Variants in NTAQ1 observed in about 807,000 individuals in gnomAD.
NTAQ1 encodes N-terminal glutamine amidase 1.
A neutral mutation model predicts 28.2 loss-of-function variants in NTAQ1; 21 were observed. The observed-to-expected ratio is 0.74, with a 90% CI of 0.53 to 1.07. The LOEUF is 1.07. Among genes scored for constraint, NTAQ1 ranks in the 50% least tolerant of loss-of-function variants. The pLI is 0.00. For synonymous variants in NTAQ1, 105 were observed against 90.0 expected (o/e 1.17, Z -0.94); for missense variants, 264 against 256.6 (o/e 1.03, Z -0.20).
At chr8:123,433,925 ATT>A (rs35940452) in intron 3 of NTAQ1, among the ~76,000 whole-genome samples, 71 of 148,848 alleles carry the variant, frequency 4.8e-4, no homozygotes, top group East Asian at 9.8e-4. Flanking sequence ...TTTTTTTGTG[ATT>A]TTTTTTTTTT....
At chr8:123,427,615 T>A (rs182522713) in intron 1 of NTAQ1, among the ~76,000 whole-genome samples, 22 of 152,306 alleles carry the variant, frequency 1.4e-4, no homozygotes, top group African/African-American at 4.8e-4. Context: ...GAATTTCAGC[T>A]GTATTACAAG....
intron 3 of NTAQ1, among the ~76,000 whole-genome samples, chr8:123,433,119 C>G (rs187474435): frequency 6.6e-6 from 1 of 152,330 alleles, no homozygotes; most frequent in African/African-American, 2.4e-5. Context: ...TTCCTGGCAG[C>G]TGGGCAGACA....
chr8:123,423,975 C>T (rs535716196), intron 1 of NTAQ1, among the ~76,000 whole-genome samples: 7 of 151,134 alleles, frequency 4.6e-5, no homozygotes, highest in Admixed American at 6.6e-5. Context: ...CTCTGCCTCT[C>T]GGGTTCAAGT....
At position 123,441,519 on chromosome 8, in the gene NTAQ1, G is replaced by A. The variant is rs542348895; in HGVS notation, c.*104G>A. The A allele has an allele frequency of 1.4e-4, 118 of 857,342 alleles. 1 individual carries two copies. The African/African-American group carries it at 1.4e-3, about 10-fold the overall frequency. 53.1% of individuals were successfully genotyped at this position (857,342 alleles called of 1,614,324 possible). On this transcript the variant is annotated 3_prime_UTR_variant, in exon 6 of 6. Transcript: ENST00000287387. ...TATGGTACAGTTGGCTTGGAATTAT[G>A]TCTTTCTCTTTTAATTTGATTGAGT... is the stretch of plus-strand genomic sequence containing the variant.
chr8:123,449,974 T>TATATATATATATATAA (rs371673968), downstream of NTAQ1, among the ~76,000 whole-genome samples: 84 of 56,104 alleles, frequency 1.5e-3, 15 homozygotes, highest in African/African-American at 5.6e-3. Context: ...TATATATATA[T>TATATATATATATATAA]GCTGGATAAA....
chr8:123,455,100 G>C (rs939168701), intron 6 of NTAQ1: 1 of 152,148 alleles, frequency 6.6e-6, no homozygotes, highest in Non-Finnish European at 1.5e-5. Flanking sequence ...ACTGCCACAC[G>C]CAAAGCTCTG....
At chr8:123,463,384 AC>A (rs1815885944) in intron 6 of NTAQ1, among the ~76,000 whole-genome samples, 1 of 152,198 alleles carries the variant, frequency 6.6e-6, no homozygotes, top group Non-Finnish European at 1.5e-5. Flanking sequence ...ATATTAGATC[AC>A]AGTTATTCTT....
In NTAQ1 at chr8:123,424,214, A is replaced by G. The variant is rs150347110; in HGVS notation, c.84-3710A>G. 6.5e-3 allele frequency among the ~76,000 whole-genome samples: 976 copies of G among 150,586 alleles called. 16 individuals are homozygous for G. Among genetic ancestry groups the G allele is most frequent in the African/African-American group, 0.023 (933 of 41,028 alleles). On this transcript the variant is annotated intron_variant, in intron 1 of 5. Coordinates refer to ENST00000287387, the MANE Select transcript of NTAQ1 (RefSeq NM_018024.3). ...CAGCCTCCCAAGTAGCTGGGATTAC[A>G]GGTTTGTGCCACCACGCCTAGCTAA...
intron 5 of NTAQ1, among the ~76,000 whole-genome samples, chr8:123,440,145 C>CTTTT (rs1814964102): frequency 1.2e-5 from 1 of 85,062 alleles, no homozygotes; most frequent in Non-Finnish European, 2.3e-5. Context: ...AGGATTAACT[C>CTTTT]CTTTTTTTTT....
chr8:123,469,541 CAAAAT>C (rs1434458868), exon 7 of NTAQ1, among the ~76,000 whole-genome samples: 1 of 152,122 alleles, frequency 6.6e-6, no homozygotes, highest in Non-Finnish European at 1.5e-5. Flanking sequence ...GGAAAAATAA[CAAAAT>C]AACAGAATTC....
At chr8:123,448,983 TC>T (rs1815382992), downstream of NTAQ1, among the ~76,000 whole-genome samples, 1 of 152,184 alleles carries the variant, frequency 6.6e-6, no homozygotes, top group Non-Finnish European at 1.5e-5. Context: ...ATTAGAGTGT[TC>T]CTTGATGGCA....
At chr8:123,447,453 G>A (rs1175506497) in intron 6 of NTAQ1, among the ~76,000 whole-genome samples, 1 of 152,190 alleles carries the variant, frequency 6.6e-6, no homozygotes, top group African/African-American at 2.4e-5. Context: ...AGAGCTCATT[G>A]TGTATTATCT....
chr8:123,462,643 C>T (rs970924238), intron 6 of NTAQ1, among the ~76,000 whole-genome samples: 14 of 152,298 alleles, frequency 9.2e-5, no homozygotes, highest in South Asian at 2.1e-4. Flanking sequence ...TGTTATCATT[C>T]CCACTTCACA....
chr8:123,436,850 T>A (rs930251673), intron 4 of NTAQ1, among the ~76,000 whole-genome samples: 2 of 152,318 alleles, frequency 1.3e-5, no homozygotes, highest in African/African-American at 4.8e-5. Context: ...GACATTTAAT[T>A]TCAAGCGGGT....
chr8:123,453,402 C>T (rs1815560060), intron 6 of NTAQ1, among the ~76,000 whole-genome samples: 1 of 149,806 alleles, frequency 6.7e-6, no homozygotes, highest in Admixed American at 6.8e-5. Context: ...ATTTCATACA[C>T]CGAAAGGTGA....
chr8:123,472,655 C>T (rs754951665), downstream of NTAQ1, among the ~76,000 whole-genome samples: 1 of 152,172 alleles, frequency 6.6e-6, no homozygotes, highest in Non-Finnish European at 1.5e-5. Context: ...GATTTAAGGT[C>T]CACCATAATC....
At chr8:123,435,717 A>G (rs534260548) in intron 3 of NTAQ1, among the ~76,000 whole-genome samples, 1 of 152,088 alleles carries the variant, frequency 6.6e-6, no homozygotes, top group Non-Finnish European at 1.5e-5. Context: ...AAATACAAAA[A>G]TTAGCTGGGC....
intron 1 of NTAQ1, among the ~76,000 whole-genome samples, chr8:123,418,069 T>C (rs1216675441): frequency 1.3e-5 from 2 of 152,244 alleles, no homozygotes; most frequent in African/African-American, 4.8e-5. Context: ...ACTTGGAGTA[T>C]GTGGCATACT....
chr8:123,457,310 G>A (rs1031232631), intron 6 of NTAQ1, among the ~76,000 whole-genome samples: 5 of 151,920 alleles, frequency 3.3e-5, no homozygotes, highest in South Asian at 2.1e-4. Context: ...CAAGTGATCC[G>A]CCTGCCTCGG....
Sources: allele counts gnomAD v4.1 joint callset (sites outside exome capture counted in the v4.1 genomes callset), GRCh38; gene constraint gnomAD v4.1.1; transcripts MANE v1.5; gene names NCBI Gene and HGNC (gene_info 2026-07-23, HGNC 2026-07-21).